Variants in FRMD4B observed in about 807,000 individuals in gnomAD.
FRMD4B encodes the protein FERM domain-containing protein 4B.
FRMD4B carries 74 observed loss-of-function variants against 141.5 expected under a neutral mutation model. That is an observed-to-expected ratio of 0.52 (90% CI 0.43 to 0.63). FRMD4B has a LOEUF of 0.63. FRMD4B is among the 30% of genes least tolerant of loss of function. FRMD4B has a pLI of 0.00. For synonymous variants in FRMD4B, 506 were observed against 467.9 expected, an observed-to-expected ratio of 1.08 and a Z score of -1.05; for missense variants, 1,366 against 1,253.4, an observed-to-expected ratio of 1.09 and a Z score of -1.36.
At chr3:69,515,110 G>T (rs901401659) in intron 1 of FRMD4B, among the ~76,000 whole-genome samples, 1 of 152,144 alleles carries the variant, frequency 6.6e-6, no homozygotes, top group African/African-American at 2.4e-5. Context: ...CACTCAGTGG[G>T]GAAAGGTGTC....
At chr3:69,301,024 C>T (rs1701200684) in intron 4 of FRMD4B, among the ~76,000 whole-genome samples, 1 of 152,152 alleles carries the variant, frequency 6.6e-6, no homozygotes, top group Non-Finnish European at 1.5e-5. Flanking sequence ...GCGTGAGCCA[C>T]CGCGCCTGGC....
chr3:69,476,601 C>T (rs1361362203), intron 1 of FRMD4B, among the ~76,000 whole-genome samples: 1 of 152,222 alleles, frequency 6.6e-6, no homozygotes, highest in Non-Finnish European at 1.5e-5. Flanking sequence ...GTTTTGGTTA[C>T]TCTAGCCTTG....
intron 1 of FRMD4B, among the ~76,000 whole-genome samples, chr3:69,538,397 A>G (rs1429799728): frequency 6.6e-6 from 1 of 152,230 alleles, no homozygotes; most frequent in Non-Finnish European, 1.5e-5. Context: ...ACTAACAGAC[A>G]CATGCATCCT....
At chr3:69,262,326 A>G (rs1332287648) in intron 5 of FRMD4B, among the ~76,000 whole-genome samples, 1 of 152,076 alleles carries the variant, frequency 6.6e-6, no homozygotes, top group African/African-American at 2.4e-5. Flanking sequence ...ATACATATAC[A>G]CTATGGCTCA....
chr3:69,398,388 G>A (rs759410296), intron 2 of FRMD4B, among the ~76,000 whole-genome samples: 56 of 152,026 alleles, frequency 3.7e-4, no homozygotes, highest in African/African-American at 9.4e-4. Flanking sequence ...AACATTTATC[G>A]TTTCTTTGTG....
chr3:69,299,292 T>G (rs6799627), intron 4 of FRMD4B, among the ~76,000 whole-genome samples: 2,365 of 152,302 alleles, frequency 0.016, 67 homozygotes, highest in African/African-American at 0.054. Context: ...TCACCTGAAC[T>G]TTCCATGGCA....
chr3:69,425,056 G>A (rs1456223305), intron 2 of FRMD4B, among the ~76,000 whole-genome samples: 1 of 152,170 alleles, frequency 6.6e-6, no homozygotes, highest in Non-Finnish European at 1.5e-5. Flanking sequence ...AAATAGGAAG[G>A]TAGGTGATGT....
At chr3:69,248,586 T>C (rs769973409) in intron 7 of FRMD4B, among the ~76,000 whole-genome samples, 22 of 152,314 alleles carry the variant, frequency 1.4e-4, no homozygotes, top group East Asian at 1.2e-3. Context: ...AAAGGGGTCA[T>C]TGGCCTACAA....
Position 69,450,526 on chromosome 3 carries a change from G to A in FRMD4B, c.-128-17765C>T, listed in dbSNP as rs551610648. Among the ~76,000 whole-genome samples the A allele has an allele frequency of 7.9e-5, 12 of 152,322 alleles. No individual in the cohort carries two copies. The South Asian group carries it at 2.3e-3, about 29-fold the overall frequency. Reference sequence around the variant, plus strand: ...CCAGCACTTTGGGCGGCCAAGGCAGGCAGATCACCTGAGGTCAGGAGTTCA... The same window carrying A: ...CCAGCACTTTGGGCGGCCAAGGCAGACAGATCACCTGAGGTCAGGAGTTCA... On this transcript the variant is annotated intron_variant, in intron 1 of 5. Transcript: ENST00000459638.
chr3:69,347,783 A>T (rs1702996516), intron 1 of FRMD4B, among the ~76,000 whole-genome samples: 1 of 152,218 alleles, frequency 6.6e-6, no homozygotes, highest in African/African-American at 2.4e-5. Flanking sequence ...TCTGAAACCA[A>T]TGAGAACAAA....
intron 1 of FRMD4B, among the ~76,000 whole-genome samples, chr3:69,378,754 G>A (rs970311447): frequency 6.6e-6 from 1 of 151,650 alleles, no homozygotes; most frequent in Non-Finnish European, 1.5e-5. Flanking sequence ...TCAAGTTCAG[G>A]CATTATTCTC....
intron 7 of FRMD4B, among the ~76,000 whole-genome samples, chr3:69,248,396 G>A (rs995271542): frequency 1.3e-5 from 2 of 152,126 alleles, no homozygotes; most frequent in African/African-American, 4.8e-5. Flanking sequence ...GGGAGTTTCC[G>A]AACTGAAGTA....
At chr3:69,442,419 G>A (rs557783658) in intron 1 of FRMD4B, among the ~76,000 whole-genome samples, 2 of 152,150 alleles carry the variant, frequency 1.3e-5, no homozygotes, top group African/African-American at 4.8e-5. Context: ...TTATTTTTAA[G>A]TGAATCTGAG....
intron 1 of FRMD4B, among the ~76,000 whole-genome samples, chr3:69,465,319 C>T (rs942794788): frequency 9.2e-6 from 1 of 109,096 alleles, no homozygotes; most frequent in Non-Finnish European, 2.0e-5. Context: ...GGCTCCGTCT[C>T]AAAAAAAAAA....
chr3:69,471,046 A>G (rs1705880545), intron 1 of FRMD4B, among the ~76,000 whole-genome samples: 1 of 152,184 alleles, frequency 6.6e-6, no homozygotes, highest in Non-Finnish European at 1.5e-5. Flanking sequence ...CAAACTGTAA[A>G]TGTTAAGAAA....
chr3:69,361,854 G>A (rs1008728920), intron 1 of FRMD4B, among the ~76,000 whole-genome samples: 1 of 152,152 alleles, frequency 6.6e-6, no homozygotes, highest in African/African-American at 2.4e-5. Flanking sequence ...ACATGCATAT[G>A]TTTTCATTTC....
chr3:69,242,869 A>G (rs1322818640), intron 7 of FRMD4B, among the ~76,000 whole-genome samples: 1 of 151,294 alleles, frequency 6.6e-6, no homozygotes, highest in Non-Finnish European at 1.5e-5. Flanking sequence ...TGGTGGGCAC[A>G]TGTAATCCCA....
At position 69,194,446 on chromosome 3, in the gene FRMD4B, A is replaced by G. The variant is rs1341348711; in HGVS notation, c.1489-573T>C. The stretch of plus-strand genomic sequence containing the variant: ...ATTTCCAAAGATGAAAACAGATACA[A>G]TTTTCTAAAGCTAAGATGGTCAAAT... On this transcript the variant is annotated intron_variant, in intron 16 of 22. Transcript: ENST00000398540. Among the ~76,000 whole-genome samples the G allele has an allele frequency of 2.6e-5, 4 of 152,318 alleles. No individual in the cohort carries two copies. The East Asian group carries it at 7.7e-4, about 29-fold the overall frequency.
At chr3:69,507,284 T>C (rs1706612405) in intron 1 of FRMD4B, among the ~76,000 whole-genome samples, 1 of 152,188 alleles carries the variant, frequency 6.6e-6, no homozygotes, top group African/African-American at 2.4e-5. Flanking sequence ...AACCTTTGCC[T>C]CTAAAATTCT....
Sources: gnomAD v4.1 joint callset for allele counts (sites outside exome capture counted in the v4.1 genomes callset) on GRCh38, gnomAD v4.1.1 for gene constraint, MANE v1.5 for transcripts, NCBI Gene and HGNC (gene_info 2026-07-23, HGNC 2026-07-21) for gene names.